Variants in CALCR observed in about 807,000 individuals in gnomAD.
The protein encoded by CALCR is calcitonin receptor.
In CALCR, 47 loss-of-function variants were observed where a neutral mutation model predicts 59.5. The observed-to-expected ratio is 0.79, with a 90% CI of 0.63 to 1.01. CALCR has a LOEUF of 1.01. Ranked by LOEUF, CALCR falls within the 50% of genes least tolerant of loss-of-function variation. CALCR has a pLI of 0.00. For synonymous variants in CALCR, 213 were observed against 211.3 expected, an observed-to-expected ratio of 1.01 and a Z score of -0.07; for missense variants, 566 against 597.1, an observed-to-expected ratio of 0.95 and a Z score of 0.54.
intron 2 of CALCR, among the ~76,000 whole-genome samples, chr7:93,572,082 C>T (rs923930930): frequency 6.6e-6 from 1 of 152,062 alleles, no homozygotes; most frequent in African/African-American, 2.4e-5. Context: ...ATTTCAAACT[C>T]AATAGCTTGT....
At chr7:93,544,011 A>C (rs1389826239) in intron 2 of CALCR, among the ~76,000 whole-genome samples, 1 of 152,062 alleles carries the variant, frequency 6.6e-6, no homozygotes, top group Non-Finnish European at 1.5e-5. Flanking sequence ...ACATACAAAC[A>C]AAATAAAAAA....
At chr7:93,547,688 C>T (rs1000872932) in intron 2 of CALCR, among the ~76,000 whole-genome samples, 45 of 152,156 alleles carry the variant, frequency 3.0e-4, no homozygotes, top group African/African-American at 9.7e-4. Context: ...TAGATAATCC[C>T]ACGCAATTAT....
chr7:93,428,514 T>C (rs1274847758), intron 13 of CALCR, among the ~76,000 whole-genome samples: 2 of 152,190 alleles, frequency 1.3e-5, no homozygotes, highest in Admixed American at 6.5e-5. Context: ...CAAAGGAAGC[T>C]GATAGGCCGG....
intron 2 of CALCR, among the ~76,000 whole-genome samples, chr7:93,520,971 G>A (rs1455606688): frequency 6.6e-6 from 1 of 151,944 alleles, no homozygotes; most frequent in Non-Finnish European, 1.5e-5. Context: ...GCAAATTAGG[G>A]GTTTTATTAG....
At chr7:93,429,140 A>AGAT (rs1437251966) in intron 13 of CALCR, among the ~76,000 whole-genome samples, 3 of 152,206 alleles carry the variant, frequency 2.0e-5, no homozygotes, top group Admixed American at 6.5e-5. Flanking sequence ...TTTTGTGTGG[A>AGAT]GATGGCAATG....
At chr7:93,568,953 C>T (rs1789935734) in intron 2 of CALCR, among the ~76,000 whole-genome samples, 1 of 152,062 alleles carries the variant, frequency 6.6e-6, no homozygotes, top group Non-Finnish European at 1.5e-5. Flanking sequence ...TGGTGAATGA[C>T]ATCACATCTC....
chr7:93,567,486 T>C (rs1789890825), intron 2 of CALCR, among the ~76,000 whole-genome samples: 2 of 152,282 alleles, frequency 1.3e-5, no homozygotes, highest in South Asian at 2.1e-4. Context: ...AATGTTATAA[T>C]TTGTGATTCA....
chr7:93,530,476 T>C (rs1182332433), intron 2 of CALCR, among the ~76,000 whole-genome samples: 3 of 152,152 alleles, frequency 2.0e-5, no homozygotes, highest in Non-Finnish European at 4.4e-5. Flanking sequence ...GATTAATATA[T>C]TAGACAGGAG....
rs1322548346 is a variant in CALCR at position 93,517,110 on chromosome 7, TA to T, written c.-26-30104del. ...CACTAATTTCAGTTTTGCTTCTGCCTAGTCTATTATGGACTTCACAAGTAAT... is the reference window on the plus strand; with the variant it reads ...CACTAATTTCAGTTTTGCTTCTGCCTGTCTATTATGGACTTCACAAGTAAT... On this transcript the variant is annotated intron_variant, in intron 2 of 13. Transcript: ENST00000426151. Among the ~76,000 whole-genome samples, 3 of 151,918 alleles carry T rather than the reference TA, an allele frequency of 2.0e-5. No homozygotes were observed. In the East Asian group the frequency reaches 5.8e-4, roughly 29 times the overall value.
intron 2 of CALCR, among the ~76,000 whole-genome samples, chr7:93,516,245 C>T (rs1436019483): frequency 6.6e-6 from 1 of 151,880 alleles, no homozygotes. Context: ...AAATATTTGG[C>T]ATAAGTAGAT....
chr7:93,484,531 T>C (rs907513568), intron 3 of CALCR, among the ~76,000 whole-genome samples: 2 of 151,806 alleles, frequency 1.3e-5, no homozygotes, highest in African/African-American at 4.8e-5. Flanking sequence ...ATAATGTATA[T>C]AATTATTTTT....
chr7:93,572,116 C>T (rs545248930), intron 2 of CALCR, among the ~76,000 whole-genome samples: 16 of 151,944 alleles, frequency 1.1e-4, no homozygotes, highest in Middle Eastern at 3.4e-3. Context: ...AATGTTTTTC[C>T]GAGAAGCTGT....
intron 12 of CALCR, among the ~76,000 whole-genome samples, chr7:93,435,070 G>A (rs192572578): frequency 2.8e-4 from 43 of 152,244 alleles, no homozygotes; most frequent in Non-Finnish European, 2.9e-5. Flanking sequence ...TGGGGCTTTA[G>A]ATCTGGGTAA....
intron 2 of CALCR, among the ~76,000 whole-genome samples, chr7:93,549,291 A>T (rs997534112): frequency 4.6e-5 from 7 of 151,982 alleles, no homozygotes; most frequent in African/African-American, 1.7e-4. Context: ...TTTTTTTTGT[A>T]AGTAAGGGCA....
intron 2 of CALCR, among the ~76,000 whole-genome samples, chr7:93,487,580 C>T (rs1800973609): frequency 6.6e-6 from 1 of 151,472 alleles, no homozygotes; most frequent in Non-Finnish European, 1.5e-5. Context: ...AACAGCTCAC[C>T]ATTCATACTG....
At chr7:93,434,431 A>G (rs1050095155) in intron 12 of CALCR, 137 bp from the exon 13 acceptor site, 1 of 634,148 alleles carries the variant, frequency 1.6e-6, no homozygotes, top group Non-Finnish European at 2.8e-6. Flanking sequence ...TACCATTCAT[A>G]GTCAGTGCTG....
intron 13 of CALCR, among the ~76,000 whole-genome samples, chr7:93,430,286 A>T (rs1191959877): frequency 4.6e-5 from 7 of 152,164 alleles, no homozygotes; most frequent in Non-Finnish European, 1.0e-4. Flanking sequence ...AGCCCTATTA[A>T]TTAGATGCTA....
chr7:93,490,945 C>A (rs930855437), intron 2 of CALCR, among the ~76,000 whole-genome samples: 1 of 151,888 alleles, frequency 6.6e-6, no homozygotes, highest in Non-Finnish European at 1.5e-5. Flanking sequence ...ACCTGTATAG[C>A]CAAGACAGTC....
chr7:93,536,244 G>A (rs1007657105), intron 2 of CALCR, among the ~76,000 whole-genome samples: 6 of 151,674 alleles, frequency 4.0e-5, no homozygotes, highest in Admixed American at 4.0e-4. Context: ...CTTGCCCCTA[G>A]ACAGACACAC....
Sources: gnomAD v4.1 joint callset for allele counts (sites outside exome capture counted in the v4.1 genomes callset) on GRCh38, gnomAD v4.1.1 for gene constraint, MANE v1.5 for transcripts, NCBI Gene and HGNC (gene_info 2026-07-23, HGNC 2026-07-21) for gene names.